PUDP: variants seen among roughly 807,000 people sequenced by gnomAD.
PUDP encodes the protein pseudouridine 5'-phosphatase.
A neutral mutation model predicts 9.4 loss-of-function variants in PUDP; 8 were observed. That is an observed-to-expected ratio of 0.85 (90% CI 0.50 to 1.53). The LOEUF is 1.53. PUDP is among the 40% of genes most tolerant of loss of function. The pLI, the probability that PUDP is intolerant of heterozygous loss-of-function variation, is 0.00. For missense variants in PUDP, 188 were observed against 189.7 expected (o/e 0.99, Z 0.05); for synonymous variants, 99 against 80.7 (o/e 1.23, Z -1.22).
intron 1 of PUDP, among the ~76,000 whole-genome samples, chrX:7,000,080 G>A (rs1929304567): frequency 9.2e-6 from 1 of 108,234 alleles, no homozygotes; most frequent in Non-Finnish European, 1.9e-5. Context: ...ACTGAAAAAC[G>A]TCTAGCAAGA....
chrX:6,852,165 C>G (rs768426640), intron 3 of PUDP, among the ~76,000 whole-genome samples: 51 of 112,117 alleles, frequency 4.5e-4, no homozygotes, highest in African/African-American at 1.5e-3. Flanking sequence ...ACAGGAGAAA[C>G]AGCAGAAATA....
At chrX:7,076,939 A>G (rs898166290) in intron 3 of PUDP, among the ~76,000 whole-genome samples, 6 of 111,768 alleles carry the variant, frequency 5.4e-5, no homozygotes, top group African/African-American at 2.0e-4. Context: ...AAATGTCTGA[A>G]TAGGCCTTGT....
intron 3 of PUDP, among the ~76,000 whole-genome samples, chrX:6,789,174 C>A (rs1260349050): frequency 9.0e-6 from 1 of 110,719 alleles, no homozygotes; most frequent in Non-Finnish European, 1.9e-5. Context: ...CCTGTAATCC[C>A]AGCTACTAGG....
chrX:6,815,110 C>T (rs983984647), intron 3 of PUDP, among the ~76,000 whole-genome samples: 10 of 107,202 alleles, frequency 9.3e-5, no homozygotes, highest in African/African-American at 3.2e-4. Flanking sequence ...ATTTTCCTGA[C>T]CAATGCTTGG....
chrX:6,951,211 A>AC (rs1928550243), intron 3 of PUDP, among the ~76,000 whole-genome samples: 1 of 107,161 alleles, frequency 9.3e-6, no homozygotes, highest in Admixed American at 1.0e-4. Flanking sequence ...CTACCTATCT[A>AC]CCCATCATCC....
chrX:7,057,709 A>C lies in PUDP; in HGVS notation c.511-7237T>G, dbSNP rs1046719582. The C allele has an allele frequency of 5.2e-6, 6 of 1,149,255 alleles. No individual in the cohort carries two copies. In the African/African-American group the frequency reaches 1.1e-4, roughly 21 times the overall value. 94.7% of individuals were successfully genotyped at this position (1,149,255 alleles called of 1,213,427 possible). ...GTGGCTGTGAGCTGGAGGTGCGGTCAGGTGTCATCAGAGCAGAGAAGCAGT... is the reference window on the plus strand; with the variant it reads ...GTGGCTGTGAGCTGGAGGTGCGGTCCGGTGTCATCAGAGCAGAGAAGCAGT... On this transcript the variant is annotated intron_variant, in intron 3 of 3. Transcript: ENST00000381077.
chrX:7,008,050 A>G (rs2146812891), intron 1 of PUDP, among the ~76,000 whole-genome samples: 1 of 109,471 alleles, frequency 9.1e-6, no homozygotes, highest in East Asian at 2.9e-4. Context: ...TGCAAGCTCC[A>G]CTTCCTGGGT....
At chrX:6,915,635 T>C (rs1485974518) in intron 3 of PUDP, among the ~76,000 whole-genome samples, 2 of 112,356 alleles carry the variant, frequency 1.8e-5, no homozygotes, top group African/African-American at 3.2e-5. Context: ...ACTAAATAGA[T>C]TTCAAGGTCT....
chrX:7,008,272 T>G (rs1929430724), intron 1 of PUDP, among the ~76,000 whole-genome samples: 1 of 111,645 alleles, frequency 9.0e-6, no homozygotes, highest in South Asian at 3.8e-4. Flanking sequence ...CCAAAAAAAT[T>G]TTTTTTAATG....
intron 3 of PUDP, among the ~76,000 whole-genome samples, chrX:6,824,284 CA>C (rs1292554320): frequency 9.0e-6 from 1 of 111,580 alleles, no homozygotes; most frequent in Non-Finnish European, 1.9e-5. Context: ...CCTTTTCCAC[CA>C]TGATTGTAAG....
At chrX:7,064,430 G>A (rs1026137151) in intron 3 of PUDP, among the ~76,000 whole-genome samples, 3 of 111,923 alleles carry the variant, frequency 2.7e-5, no homozygotes, top group Admixed American at 9.5e-5. Flanking sequence ...TCATTGTTCA[G>A]GTGTGGTTTC....
chrX:6,792,909 T>A (rs1364972210), intron 3 of PUDP, among the ~76,000 whole-genome samples: 2 of 113,181 alleles, frequency 1.8e-5, no homozygotes, highest in Non-Finnish European at 3.7e-5. Context: ...TACACGTGGT[T>A]AACTTAGCAT....
chrX:6,743,378 C>A (rs1924962571), intron 3 of PUDP, among the ~76,000 whole-genome samples: 1 of 111,760 alleles, frequency 8.9e-6, no homozygotes, highest in African/African-American at 3.3e-5. Flanking sequence ...TTCCCATTTA[C>A]CAAGATTGTA....
chrX:6,940,791 C>A (rs751056498), intron 3 of PUDP, among the ~76,000 whole-genome samples: 77 of 111,768 alleles, frequency 6.9e-4, no homozygotes, highest in Non-Finnish European at 1.3e-3. Context: ...CATGTCCCTG[C>A]ACACCACTGT....
chrX:7,041,978 G>C (rs1929928819), intron 1 of PUDP, among the ~76,000 whole-genome samples: 1 of 107,782 alleles, frequency 9.3e-6, no homozygotes, highest in Admixed American at 1.0e-4. Flanking sequence ...GTAGGGGTGT[G>C]AGCCCTTCTG....
chrX:6,910,559 G>A (rs190292246), intron 3 of PUDP, among the ~76,000 whole-genome samples: 1 of 111,983 alleles, frequency 8.9e-6, no homozygotes, highest in Non-Finnish European at 1.9e-5. Context: ...GAGAAAGAAA[G>A]TGTCTCCAAG....
intron 3 of PUDP, among the ~76,000 whole-genome samples, chrX:6,973,063 T>C (rs1928901999): frequency 8.9e-6 from 1 of 112,263 alleles, no homozygotes; most frequent in African/African-American, 3.2e-5. Context: ...ATCCTCTTTG[T>C]AATTTTTTAT....
intron 3 of PUDP, among the ~76,000 whole-genome samples, chrX:7,051,309 G>A (rs1289037727): frequency 1.8e-5 from 2 of 111,626 alleles, no homozygotes; most frequent in Non-Finnish European, 1.9e-5. Flanking sequence ...TCCAAATATC[G>A]TATGCTCTCA....
chrX:6,740,309 T>C (rs997716596), intron 3 of PUDP, among the ~76,000 whole-genome samples: 16 of 111,987 alleles, frequency 1.4e-4, no homozygotes, highest in Admixed American at 4.7e-4. Context: ...CATTCTCCCA[T>C]TGGGAAAATA....
Sources: allele counts gnomAD v4.1 joint callset (sites outside exome capture counted in the v4.1 genomes callset), GRCh38; gene constraint gnomAD v4.1.1; transcripts MANE v1.5; gene names NCBI Gene and HGNC (gene_info 2026-07-23, HGNC 2026-07-21).